The following LGSN variants were observed in gnomAD, a reference collection of about 807,000 sequenced individuals.
LGSN encodes lengsin, lens protein with glutamine synthetase domain.
LGSN carries 21 observed loss-of-function variants against 19.5 expected under a neutral mutation model. That is an observed-to-expected ratio of 1.07 (90% CI 0.76 to 1.55). LGSN has a LOEUF of 1.55. LGSN is among the 40% of genes most tolerant of loss of function. The probability of loss-of-function intolerance (pLI) is 0.00; values close to 1 mark genes in which losing one functional copy is unlikely to be tolerated. For missense variants in LGSN, 673 were observed against 608.5 expected, an observed-to-expected ratio of 1.11 and a Z score of -1.12; for synonymous variants, 257 against 215.6, an observed-to-expected ratio of 1.19 and a Z score of -1.68.
At chr6:63,468,812 G>A in the LGSN span, among the ~76,000 whole-genome samples, 7 of 151,214 alleles carry the variant, frequency 4.6e-5, no homozygotes, top group Non-Finnish European at 7.4e-5. Context: ...GCAATGGCAC[G>A]GTCTCGGCTC....
At chr6:63,512,535 G>C in the LGSN span, among the ~76,000 whole-genome samples, 1 of 152,130 alleles carries the variant, frequency 6.6e-6, no homozygotes, top group Non-Finnish European at 1.5e-5. Context: ...TTTTCCTGAA[G>C]TCCCCACAGA....
At chr6:63,468,522 G>A in the LGSN span, among the ~76,000 whole-genome samples, 98 of 151,976 alleles carry the variant, frequency 6.4e-4, no homozygotes, top group African/African-American at 2.3e-3. Context: ...CTGCCTCCTG[G>A]GTACAAGCGA....
intron 1 of LGSN, among the ~76,000 whole-genome samples, chr6:63,303,612 C>T (rs1368447722): frequency 2.6e-5 from 4 of 152,176 alleles, no homozygotes; most frequent in Non-Finnish European, 5.9e-5. Context: ...TCTTCTGCAC[C>T]TAAATTCTTA....
the LGSN span, among the ~76,000 whole-genome samples, chr6:63,506,162 G>C: frequency 6.6e-6 from 1 of 151,942 alleles, no homozygotes; most frequent in Non-Finnish European, 1.5e-5. Context: ...CAATCTTTTG[G>C]GTAGTTTTAA....
At chr6:63,500,268 A>G in the LGSN span, among the ~76,000 whole-genome samples, 1 of 36,312 alleles carries the variant, frequency 2.8e-5, no homozygotes, top group East Asian at 6.2e-4. Flanking sequence ...GTATAATGGA[A>G]AAAAAAAAGA....
the LGSN span, among the ~76,000 whole-genome samples, chr6:63,410,015 C>T: frequency 6.6e-6 from 1 of 151,766 alleles, no homozygotes; most frequent in African/African-American, 2.4e-5. Flanking sequence ...TCAGCCTGGG[C>T]AAAAGAGCAA....
At chr6:63,412,869 A>G in the LGSN span, among the ~76,000 whole-genome samples, 2 of 149,474 alleles carry the variant, frequency 1.3e-5, no homozygotes, top group African/African-American at 5.1e-5. Flanking sequence ...AGAGAGTAAG[A>G]GAAAGAGAAA....
chr6:63,537,736 C>A, the LGSN span, among the ~76,000 whole-genome samples: 1 of 152,208 alleles, frequency 6.6e-6, no homozygotes, highest in East Asian at 1.9e-4. Flanking sequence ...CAGATCAGAA[C>A]CCTGAGGAAA....
chr6:63,320,121 A>T, upstream of LGSN: 1 of 584,592 alleles, frequency 1.7e-6, no homozygotes, highest in Non-Finnish European at 3.1e-6. Flanking sequence ...GTCATGCCCA[A>T]GGCACAGTAT....
chr6:63,564,374 G>A, the LGSN span, among the ~76,000 whole-genome samples: 1 of 151,992 alleles, frequency 6.6e-6, no homozygotes, highest in African/African-American at 2.4e-5. Flanking sequence ...AGAAATACAC[G>A]AAGATAGCAA....
chr6:63,365,936 T>C, the LGSN span, among the ~76,000 whole-genome samples: 1 of 152,172 alleles, frequency 6.6e-6, no homozygotes, highest in Admixed American at 6.5e-5. Context: ...ATGGGATGTA[T>C]CTCAAAATAA....
chr6:63,442,721 T>G, the LGSN span, among the ~76,000 whole-genome samples: 1 of 152,180 alleles, frequency 6.6e-6, no homozygotes, highest in East Asian at 1.9e-4. Context: ...TACAATCCTT[T>G]AGCTAGCCAT....
the LGSN span, chr6:63,521,710 A>G: frequency 6.6e-6 from 1 of 152,212 alleles, no homozygotes; most frequent in Middle Eastern, 3.2e-3. Flanking sequence ...ACTCATTAAC[A>G]GATAGACTTA....
chr6:63,488,025 AACTCTTAAC>A, the LGSN span, among the ~76,000 whole-genome samples: 3 of 152,110 alleles, frequency 2.0e-5, no homozygotes, highest in Non-Finnish European at 4.4e-5. Flanking sequence ...TAATTTTATA[AACTCTTAAC>A]ACTTCATAAT....
intron 1 of LGSN, among the ~76,000 whole-genome samples, chr6:63,317,864 C>A (rs1202767283): frequency 6.6e-6 from 1 of 152,156 alleles, no homozygotes; most frequent in African/African-American, 2.4e-5. Context: ...TCAGTGTTCT[C>A]TGTATTGAGT....
At chr6:63,569,507 A>G in the LGSN span, among the ~76,000 whole-genome samples, 1 of 152,116 alleles carries the variant, frequency 6.6e-6, no homozygotes, top group African/African-American at 2.4e-5. Context: ...CAGGTGATCC[A>G]CCCACCTTGG....
chr6:63,526,803 G>GTATATATATATATATATA, the LGSN span, among the ~76,000 whole-genome samples: 108 of 101,406 alleles, frequency 1.1e-3, 1 homozygote, highest in African/African-American at 3.7e-3. Context: ...TCTCAAAAAT[G>GTATATATATATATATATA]TATATATATA....
chr6:63,326,778 G>A, the LGSN span, among the ~76,000 whole-genome samples: 1 of 152,196 alleles, frequency 6.6e-6, no homozygotes, highest in African/African-American at 2.4e-5. Context: ...CGCCCACCCA[G>A]AACTCCAGCT....
At chr6:63,435,530 A>G in the LGSN span, among the ~76,000 whole-genome samples, 1,512 of 137,820 alleles carry the variant, frequency 0.011, 15 homozygotes, top group African/African-American at 0.037. Context: ...CCACCCACCC[A>G]CAAGGTCTGC....
Sources: allele counts gnomAD v4.1 joint callset (sites outside exome capture counted in the v4.1 genomes callset), GRCh38; gene constraint gnomAD v4.1.1; transcripts MANE v1.5; gene names NCBI Gene and HGNC (gene_info 2026-07-23, HGNC 2026-07-21).